The following FHIT variants were observed in gnomAD, a reference collection of about 807,000 sequenced individuals.
FHIT encodes bis(5'-adenosyl)-triphosphatase.
FHIT carries 19 observed loss-of-function variants against 17.9 expected under a neutral mutation model. That is an observed-to-expected ratio of 1.06 (90% CI 0.74 to 1.56). FHIT has a LOEUF of 1.56. Among genes scored for constraint, FHIT ranks in the 40% most tolerant of loss-of-function variants. FHIT has a pLI of 0.00. For synonymous variants in FHIT, 81 were observed against 69.7 expected (o/e 1.16, Z -0.81); for missense variants, 248 against 189.2 (o/e 1.31, Z -1.82).
chr3:60,247,393 C>CAGAAGAAGAAAGAA (rs1346085901), intron 5 of FHIT, among the ~76,000 whole-genome samples: 2 of 149,870 alleles, frequency 1.3e-5, no homozygotes, highest in Non-Finnish European at 3.0e-5. Flanking sequence ...AGATAGAAGA[C>CAGAAGAAGAAAGAA]AGAAGAAGAA....
chr3:59,978,240 T>C (rs2107417614), intron 7 of FHIT, among the ~76,000 whole-genome samples: 1 of 152,238 alleles, frequency 6.6e-6, no homozygotes, highest in East Asian at 1.9e-4. Flanking sequence ...CTGTATGTTT[T>C]TACTCGCTAA....
chr3:61,017,904 A>T (rs2032203094), intron 3 of FHIT, among the ~76,000 whole-genome samples: 1 of 152,214 alleles, frequency 6.6e-6, no homozygotes, highest in African/African-American at 2.4e-5. Context: ...TAACAAATCA[A>T]ATTTCAAAGT....
intron 8 of FHIT, among the ~76,000 whole-genome samples, chr3:59,820,113 T>C (rs1001021221): frequency 6.6e-6 from 1 of 152,226 alleles, no homozygotes. Context: ...AGGTATTTTA[T>C]TGTAGAAACA....
At chr3:60,512,722 G>A (rs2034997173) in intron 5 of FHIT, among the ~76,000 whole-genome samples, 4 of 152,156 alleles carry the variant, frequency 2.6e-5, no homozygotes, top group Non-Finnish European at 5.9e-5. Flanking sequence ...TGGTGTCCTT[G>A]CCAAAAATGG....
At chr3:60,707,408 A>C (rs1735461) in intron 4 of FHIT, among the ~76,000 whole-genome samples, 146,022 of 152,266 alleles carry the variant, frequency 0.96, 70,104 homozygotes, top group East Asian at 1. Flanking sequence ...ATAGAGATGA[A>C]CTTAACAGAG....
intron 1 of FHIT, among the ~76,000 whole-genome samples, chr3:61,226,299 T>C (rs773577619): frequency 1.3e-5 from 2 of 152,188 alleles, no homozygotes; most frequent in African/African-American, 2.4e-5. Flanking sequence ...CCTTTGCATT[T>C]GGAGATGAGG....
At chr3:60,191,757 TA>T (rs1320068887) in intron 5 of FHIT, among the ~76,000 whole-genome samples, 3 of 152,158 alleles carry the variant, frequency 2.0e-5, no homozygotes, top group African/African-American at 7.2e-5. Context: ...ATTTTAAAAA[TA>T]AAAATGTTTC....
chr3:61,225,061 G>C (rs769270164), intron 1 of FHIT, among the ~76,000 whole-genome samples: 6 of 152,162 alleles, frequency 3.9e-5, no homozygotes, highest in African/African-American at 4.8e-5. Context: ...CAGAGTTTAA[G>C]TGCAAATCCA....
intron 8 of FHIT, among the ~76,000 whole-genome samples, chr3:59,761,326 C>T (rs1257468674): frequency 2.0e-5 from 3 of 152,184 alleles, no homozygotes; most frequent in Non-Finnish European, 4.4e-5. Flanking sequence ...GAGTAACATC[C>T]ATCTTCGTAT....
Position 60,909,430 on chromosome 3 carries a change from T to A in FHIT, c.-110-87419A>T, listed in dbSNP as rs536971115. On this transcript the variant is annotated intron_variant, in intron 3 of 9. Coordinates refer to ENST00000492590, the MANE Select transcript of FHIT (RefSeq NM_002012.4). Reference sequence around the variant, plus strand: ...GATGGCAGCTGCCATACAGAATGAGTTCATTCGTTGTGGAACGGAAACATG... The same window carrying A: ...GATGGCAGCTGCCATACAGAATGAGATCATTCGTTGTGGAACGGAAACATG... Among the ~76,000 whole-genome samples the A allele has an allele frequency of 4.6e-5, 7 of 151,570 alleles. No individual in the cohort carries two copies. In the South Asian group the frequency reaches 1.5e-3, roughly 32 times the overall value.
intron 8 of FHIT, among the ~76,000 whole-genome samples, chr3:59,801,919 G>A (rs183758955): frequency 1.0e-3 from 156 of 152,218 alleles, no homozygotes; most frequent in Non-Finnish European, 1.9e-3. Flanking sequence ...AAGTCCCTAG[G>A]TCCATACCTA....
intron 4 of FHIT, among the ~76,000 whole-genome samples, chr3:60,737,651 T>C (rs1370179212): frequency 6.6e-6 from 1 of 152,200 alleles, no homozygotes; most frequent in African/African-American, 2.4e-5. Context: ...AATTCTTCTA[T>C]TTGTTCATAT....
At chr3:60,377,915 C>G (rs1700640757) in intron 5 of FHIT, among the ~76,000 whole-genome samples, 1 of 152,164 alleles carries the variant, frequency 6.6e-6, no homozygotes. Context: ...TGCATAAATT[C>G]ATGGACTAAT....
At chr3:60,358,513 G>T (rs993165667) in intron 5 of FHIT, among the ~76,000 whole-genome samples, 1 of 152,170 alleles carries the variant, frequency 6.6e-6, no homozygotes, top group Non-Finnish European at 1.5e-5. Flanking sequence ...AAATCACAAT[G>T]AATTATGATC....
intron 2 of FHIT, among the ~76,000 whole-genome samples, chr3:61,197,709 G>T (rs935501458): frequency 2.6e-5 from 4 of 152,124 alleles, no homozygotes. Flanking sequence ...GGGAAAAGTA[G>T]ACAAATGTCT....
chr3:59,808,378 G>C (rs1270818767), intron 8 of FHIT, among the ~76,000 whole-genome samples: 2 of 152,092 alleles, frequency 1.3e-5, no homozygotes, highest in Non-Finnish European at 2.9e-5. Context: ...TGGCTCTTCA[G>C]GGCTTTTCTG....
chr3:60,309,280 C>G (rs1287637631), intron 5 of FHIT, among the ~76,000 whole-genome samples: 2 of 151,788 alleles, frequency 1.3e-5, no homozygotes, highest in Admixed American at 6.6e-5. Flanking sequence ...GTGTAAAAAC[C>G]TTATTACAAG....
At chr3:60,338,946 C>A (rs1448689380) in intron 5 of FHIT, among the ~76,000 whole-genome samples, 1 of 152,112 alleles carries the variant, frequency 6.6e-6, no homozygotes, top group African/African-American at 2.4e-5. Flanking sequence ...TTCCTTAACC[C>A]TGAAATAGAC....
intron 5 of FHIT, among the ~76,000 whole-genome samples, chr3:60,374,766 A>G (rs905423959): frequency 6.6e-6 from 1 of 152,052 alleles, no homozygotes; most frequent in Admixed American, 6.6e-5. Context: ...CAACATTTAG[A>G]ATATTTTCTC....
Sources: gnomAD v4.1 joint callset for allele counts (sites outside exome capture counted in the v4.1 genomes callset) on GRCh38, gnomAD v4.1.1 for gene constraint, MANE v1.5 for transcripts, NCBI Gene and HGNC (gene_info 2026-07-23, HGNC 2026-07-21) for gene names.